The following GOLIM4 variants were observed in gnomAD, a reference collection of about 807,000 sequenced individuals.
GOLIM4 encodes golgi integral membrane protein 4.
A neutral mutation model predicts 107.4 loss-of-function variants in GOLIM4; 71 were observed. The ratio of observed to expected loss-of-function variants is 0.66; its 90% CI spans 0.55 to 0.81. The LOEUF (loss-of-function observed/expected upper bound fraction) is 0.81, where lower values mean the gene tolerates loss of function less well. Among genes scored for constraint, GOLIM4 ranks in the 30% least tolerant of loss-of-function variants. GOLIM4 has a pLI of 0.00. For missense variants in GOLIM4, 830 were observed against 826.1 expected (o/e 1.00, Z -0.06); for synonymous variants, 327 against 294.8 (o/e 1.11, Z -1.12).
intron 3 of GOLIM4, 38 bp from the exon 4 acceptor site, chr3:168,044,919 A>G: frequency 8.4e-7 from 1 of 1,195,852 alleles, no homozygotes; most frequent in Non-Finnish European, 1.2e-6. Context: ...ACAAAGATAA[A>G]TATGGCTCTC....
rs540427286 is a variant in GOLIM4, at chr3:168,061,187, A to T, written c.188-12822T>A. ...GCAAAGAATAGGAACAGCCACTTAA[A>T]TATATCCTACTGGCCACGAAATATA... is the stretch of plus-strand genomic sequence containing the variant. On this transcript the variant is annotated intron_variant, in intron 1 of 15. Transcript: ENST00000470487. 2.0e-5 allele frequency among the ~76,000 whole-genome samples: 3 copies of T among 152,236 alleles called. No individual in the cohort carries two copies. In the South Asian group the frequency reaches 6.2e-4, roughly 32 times the overall value.
At chr3:168,084,401 C>A (rs375869100) in intron 1 of GOLIM4, among the ~76,000 whole-genome samples, 9 of 152,102 alleles carry the variant, frequency 5.9e-5, no homozygotes, top group African/African-American at 2.2e-4. Flanking sequence ...GTTATGATAT[C>A]GTGACGTATT....
chr3:168,094,925 T>G (rs1207814144), intron 1 of GOLIM4, among the ~76,000 whole-genome samples, 174 bp downstream of exon 1: 3 of 152,170 alleles, frequency 2.0e-5, no homozygotes, highest in Non-Finnish European at 4.4e-5. Flanking sequence ...AGGATGAGAA[T>G]GTCATCTCCC....
chr3:168,028,144 C>A (rs1359325970), intron 11 of GOLIM4, among the ~76,000 whole-genome samples: 1 of 152,108 alleles, frequency 6.6e-6, no homozygotes, highest in Non-Finnish European at 1.5e-5. Flanking sequence ...AAAAGAAAGC[C>A]CAGTTGATTG....
At chr3:168,027,478 G>GA (rs36093119) in intron 12 of GOLIM4, among the ~76,000 whole-genome samples, 25,863 of 144,482 alleles carry the variant, frequency 0.18, 4,711 homozygotes, top group African/African-American at 0.47. Flanking sequence ...AAAGTCATCA[G>GA]AAAAAAAAAA....
chr3:168,066,091 G>A (rs915513760), intron 1 of GOLIM4, among the ~76,000 whole-genome samples: 1 of 151,896 alleles, frequency 6.6e-6, no homozygotes, highest in African/African-American at 2.4e-5. Flanking sequence ...ACTCAGCAGG[G>A]ATACAAAAGA....
intron 1 of GOLIM4, among the ~76,000 whole-genome samples, chr3:168,074,152 C>T (rs894780689): frequency 3.9e-5 from 6 of 152,098 alleles, no homozygotes; most frequent in Non-Finnish European, 5.9e-5. Flanking sequence ...GGAACAGCCA[C>T]GTGAATGAGC....
chr3:168,093,210 T>C (rs1056832406), intron 1 of GOLIM4, among the ~76,000 whole-genome samples: 1 of 152,244 alleles, frequency 6.6e-6, no homozygotes, highest in South Asian at 2.1e-4. Context: ...TCGTCCATCA[T>C]AGGCCGTTGA....
chr3:168,035,419 G>A (rs190762806), intron 8 of GOLIM4, among the ~76,000 whole-genome samples: 14 of 152,244 alleles, frequency 9.2e-5, no homozygotes, highest in Non-Finnish European at 1.8e-4. Flanking sequence ...TATAGACTTT[G>A]ATAAAGAAAA....
rs535929548 is a variant in GOLIM4, at chr3:168,011,197, G to A, written c.1861-374C>T. Reference sequence around the variant, plus strand: ...GTCAGTGGGTGCGCGCACCATGCGCGAGCCAAAGCAGGGCGAGGCATTGTC... The same window carrying A: ...GTCAGTGGGTGCGCGCACCATGCGCAAGCCAAAGCAGGGCGAGGCATTGTC... On this transcript the variant is annotated intron_variant, in intron 14 of 15. Transcript: ENST00000470487. Among the ~76,000 whole-genome samples the A allele has an allele frequency of 1.5e-3, 226 of 149,014 alleles. 3 individuals are homozygous for A. Among genetic ancestry groups the A allele is most frequent in the African/African-American group, 5.5e-3 (213 of 38,524 alleles).
chr3:168,027,582 A>C (rs370148326), intron 12 of GOLIM4, 146 bp downstream of exon 12: 1 of 636,446 alleles, frequency 1.6e-6, no homozygotes. Flanking sequence ...AACACTGCCC[A>C]TATATAATTA....
intron 14 of GOLIM4, among the ~76,000 whole-genome samples, chr3:168,023,211 T>A (rs1036062074): frequency 2.6e-5 from 4 of 152,230 alleles, no homozygotes; most frequent in African/African-American, 9.6e-5. Flanking sequence ...AAAGTGGTAT[T>A]AGTCTAGACA....
rs1717122881 is a variant in GOLIM4, at chr3:168,012,700, ACT to A, written c.1861-1879_1861-1878del. On this transcript the variant is annotated intron_variant, in intron 14 of 15. Transcript: ENST00000470487. ...ACTAACAGCGGATCTCTCGGCAGAA[ACT>A]CTACAAGCCAGAAGAGAGTGGGGGC... Among the ~76,000 whole-genome samples, 3 of 152,076 alleles carry A rather than the reference ACT, an allele frequency of 2.0e-5. 1 individual carries two copies. Among genetic ancestry groups the A allele is most frequent in the Admixed American group, 2.0e-4 (3 of 15,302 alleles).
intron 1 of GOLIM4, among the ~76,000 whole-genome samples, chr3:168,076,101 C>T (rs559961358): frequency 6.6e-6 from 1 of 152,220 alleles, no homozygotes; most frequent in Non-Finnish European, 1.5e-5. Context: ...GAGACGACAT[C>T]TGCCTTTATA....
chr3:168,045,914 C>T (rs940771579), intron 3 of GOLIM4, among the ~76,000 whole-genome samples: 3 of 152,110 alleles, frequency 2.0e-5, no homozygotes, highest in African/African-American at 7.2e-5. Context: ...ATAGGGTCTG[C>T]CCTGTTGTCC....
At chr3:168,031,233 T>G (rs1718320920) in intron 9 of GOLIM4, among the ~76,000 whole-genome samples, 2 of 152,138 alleles carry the variant, frequency 1.3e-5, no homozygotes, top group African/African-American at 4.8e-5. Flanking sequence ...AACATATAGT[T>G]AGAGAGAAGG....
Position 168,095,431 on chromosome 3 carries a change from A to T in GOLIM4, c.-146T>A. ...GACACAAAAGCCGGCCCGGAGGGGA[A>T]GTGGCGCCCGCTCAGCCCCCGCGCG... On this transcript the variant is annotated 5_prime_UTR_variant, in exon 1 of 16. Coordinates refer to ENST00000470487, the MANE Select transcript of GOLIM4 (RefSeq NM_014498.5). 1.6e-6 allele frequency: 1 copy of T among 639,428 alleles called. No individual in the cohort carries two copies. Among genetic ancestry groups the T allele is most frequent in the South Asian group, 2.1e-5 (1 of 46,824 alleles). 39.6% of individuals were successfully genotyped at this position (639,428 alleles called of 1,614,324 possible).
At chr3:168,057,324 C>T (rs1013678035) in intron 1 of GOLIM4, among the ~76,000 whole-genome samples, 2 of 152,104 alleles carry the variant, frequency 1.3e-5, no homozygotes, top group African/African-American at 4.8e-5. Flanking sequence ...AAATAATACA[C>T]CCTGGTACAC....
In GOLIM4 at chr3:168,027,789, C is replaced by T. The variant is rs1448736285; in HGVS notation, c.1562G>A (p.Gly521Asp). The T allele has an allele frequency of 2.5e-6, 4 of 1,613,556 alleles. No individual in the cohort carries two copies. The highest frequency in any genetic ancestry group is 3.3e-5 in the Admixed American group (2 of 59,986). Residue 521 changes from glycine (G) to aspartate (D), a missense_variant, in exon 12 of 16, where the codon GGT (glycine) becomes GAT (aspartate). Transcript: ENST00000470487. ...QHQDEAEGDP[G>D]NRHEPREQGP... is the part of the protein sequence containing the mutation. ...TTGTTCACGAGGCTCATGTCTATTA[C>T]CTGGATCTCCTTCTGCTTCATCTTG...
Sources: allele counts gnomAD v4.1 joint callset (sites outside exome capture counted in the v4.1 genomes callset), GRCh38; gene constraint gnomAD v4.1.1; transcripts MANE v1.5; gene names NCBI Gene and HGNC (gene_info 2026-07-23, HGNC 2026-07-21).